Variants in SLC44A5 observed in about 807,000 individuals in gnomAD.
SLC44A5 encodes the protein solute carrier family 44 member 5.
SLC44A5 carries 57 observed loss-of-function variants against 101.8 expected under a neutral mutation model. That is an observed-to-expected ratio of 0.56 (90% confidence interval 0.45 to 0.70). The LOEUF is 0.70. SLC44A5 is among the 30% of genes least tolerant of loss of function. The pLI is 0.00. For synonymous variants in SLC44A5, 281 were observed against 290.9 expected (o/e 0.97, Z 0.35); for missense variants, 737 against 853.1 (o/e 0.86, Z 1.70).
chr1:75,711,199 G>T, the SLC44A5 span, among the ~76,000 whole-genome samples: 1 of 152,136 alleles, frequency 6.6e-6, no homozygotes, highest in Non-Finnish European at 1.5e-5. Context: ...CATAGGCCTT[G>T]ACCCAAACAG....
intron 2 of SLC44A5, among the ~76,000 whole-genome samples, chr1:75,415,422 C>T (rs1468716920): frequency 6.6e-6 from 1 of 152,210 alleles, no homozygotes; most frequent in East Asian, 1.9e-4. Flanking sequence ...GAGCCTTCCT[C>T]AGCCATGTGG....
At chr1:75,355,418 A>T (rs1457924652) in intron 3 of SLC44A5, among the ~76,000 whole-genome samples, 3 of 152,252 alleles carry the variant, frequency 2.0e-5, no homozygotes, top group Admixed American at 6.5e-5. Flanking sequence ...AAGGAAGAAT[A>T]TAATCCATAC....
chr1:75,268,475 A>C (rs1251185354), intron 6 of SLC44A5, among the ~76,000 whole-genome samples: 2 of 152,066 alleles, frequency 1.3e-5, no homozygotes, highest in East Asian at 3.9e-4. Context: ...CTTTAACTTA[A>C]ACGTAGGCTT....
the SLC44A5 span, chr1:75,677,657 A>T: frequency 2.5e-6 from 1 of 399,068 alleles, no homozygotes; most frequent in African/African-American, 2.2e-5. Flanking sequence ...AAAGTGGAAC[A>T]AACTCTCCAA....
rs567670048 is a variant in SLC44A5, at chr1:75,376,550, G to A, written c.52+20033C>T. ...AAACCCCGAGCAGCCTAACTGGGAGGCACCCCCCAGCAGGGGCACACTGAC... is the reference window on the plus strand; with the variant it reads ...AAACCCCGAGCAGCCTAACTGGGAGACACCCCCCAGCAGGGGCACACTGAC... On this transcript the variant is annotated intron_variant, in intron 3 of 23. Coordinates refer to ENST00000370859, the MANE Select transcript of SLC44A5 (RefSeq NM_001130058.2). Among the ~76,000 whole-genome samples the A allele has an allele frequency of 1.7e-4, 26 of 152,286 alleles. No homozygotes were observed. The East Asian group carries it at 5.0e-3, about 29-fold the overall frequency.
chr1:75,520,576 G>A (rs1670060614), intron 2 of SLC44A5, among the ~76,000 whole-genome samples: 1 of 152,056 alleles, frequency 6.6e-6, no homozygotes, highest in Non-Finnish European at 1.5e-5. Flanking sequence ...TGAGAAAGAG[G>A]AGGGGAAAGG....
At chr1:75,306,279 C>T (rs1278211808) in intron 4 of SLC44A5, among the ~76,000 whole-genome samples, 1 of 152,128 alleles carries the variant, frequency 6.6e-6, no homozygotes, top group African/African-American at 2.4e-5. Context: ...TGACCTAGAC[C>T]ATAAAGTCCT....
chr1:75,387,082 A>C (rs946642918), intron 3 of SLC44A5, among the ~76,000 whole-genome samples: 1 of 152,146 alleles, frequency 6.6e-6, no homozygotes, highest in Non-Finnish European at 1.5e-5. Context: ...AAGACTTACA[A>C]GTTAGACCTA....
chr1:75,554,609 G>C (rs1163224276), intron 1 of SLC44A5, among the ~76,000 whole-genome samples: 1 of 152,040 alleles, frequency 6.6e-6, no homozygotes, highest in Non-Finnish European at 1.5e-5. Flanking sequence ...ATTAGTACCT[G>C]TATTCCTGGA....
chr1:75,295,465 T>C (rs547630367), intron 5 of SLC44A5, among the ~76,000 whole-genome samples: 2 of 152,192 alleles, frequency 1.3e-5, no homozygotes, highest in Admixed American at 6.5e-5. Flanking sequence ...TAGATCAGAT[T>C]GACTCTGAAC....
intron 9 of SLC44A5, among the ~76,000 whole-genome samples, chr1:75,239,820 G>C (rs984732479): frequency 2.0e-5 from 3 of 152,002 alleles, no homozygotes; most frequent in Non-Finnish European, 2.9e-5. Context: ...CACAAGGCTT[G>C]GCACACTGTA....
At chr1:75,427,495 A>C (rs1260751554) in intron 2 of SLC44A5, among the ~76,000 whole-genome samples, 4 of 152,308 alleles carry the variant, frequency 2.6e-5, no homozygotes, top group Non-Finnish European at 4.4e-5. Context: ...ATTATATTTC[A>C]CACCTCTGAT....
At chr1:75,476,108 G>A (rs1210525874) in intron 2 of SLC44A5, among the ~76,000 whole-genome samples, 2 of 152,052 alleles carry the variant, frequency 1.3e-5, no homozygotes, top group African/African-American at 4.8e-5. Flanking sequence ...GCTTGAACCC[G>A]GGAGGCAGAG....
intron 3 of SLC44A5, among the ~76,000 whole-genome samples, chr1:75,383,205 TTGTC>T (rs1404748140): frequency 9.1e-6 from 1 of 109,306 alleles, no homozygotes; most frequent in Non-Finnish European, 1.9e-5. Context: ...GTTCACGTGT[TTGTC>T]TGCTGACCCT....
chr1:75,220,785 A>G (rs1647061367), intron 14 of SLC44A5, among the ~76,000 whole-genome samples: 1 of 152,242 alleles, frequency 6.6e-6, no homozygotes, highest in Middle Eastern at 3.4e-3. Flanking sequence ...CTCCTAATGC[A>G]TTGATGCTTA....
At chr1:75,293,457 G>T (rs886450692) in intron 5 of SLC44A5, among the ~76,000 whole-genome samples, 4 of 152,098 alleles carry the variant, frequency 2.6e-5, no homozygotes, top group African/African-American at 9.7e-5. Context: ...TGGGAATGTT[G>T]GCTTTCGAAT....
chr1:75,676,203 C>A, the SLC44A5 span, among the ~76,000 whole-genome samples: 1 of 152,132 alleles, frequency 6.6e-6, no homozygotes, highest in Non-Finnish European at 1.5e-5. Flanking sequence ...TGGCTACATA[C>A]CCAAAGGAAC....
chr1:75,455,615 C>T (rs1666142830), intron 2 of SLC44A5, among the ~76,000 whole-genome samples: 1 of 152,102 alleles, frequency 6.6e-6, no homozygotes, highest in African/African-American at 2.4e-5. Flanking sequence ...GCAAACTACA[C>T]ATCCAACAAA....
chr1:75,402,369 GA>G, intron 2 of SLC44A5: 2 of 319,564 alleles, frequency 6.3e-6, no homozygotes, highest in South Asian at 2.4e-5. Flanking sequence ...GATGACATTT[GA>G]AATGTTCACT....
Sources: gnomAD v4.1 joint callset for allele counts (sites outside exome capture counted in the v4.1 genomes callset) on GRCh38, gnomAD v4.1.1 for gene constraint, MANE v1.5 for transcripts, NCBI Gene and HGNC (gene_info 2026-07-23, HGNC 2026-07-21) for gene names.